The following IL1RAPL1 variants were observed in gnomAD, a reference collection of about 807,000 sequenced individuals.
IL1RAPL1 encodes interleukin 1 receptor accessory protein like 1.
IL1RAPL1 carries 3 observed loss-of-function variants against 48.4 expected under a neutral mutation model. The ratio of observed to expected loss-of-function variants is 0.06; its 90% CI spans 0.03 to 0.16. The LOEUF (loss-of-function observed/expected upper bound fraction) is 0.16, where lower values mean the gene tolerates loss of function less well. Ranked by LOEUF, IL1RAPL1 falls within the 10% of genes least tolerant of loss-of-function variation. The pLI is 1.00. For missense variants in IL1RAPL1, 349 were observed against 530.6 expected, an observed-to-expected ratio of 0.66 and a Z score of 3.36; for synonymous variants, 185 against 187.7, an observed-to-expected ratio of 0.99 and a Z score of 0.12.
chrX:29,287,990 A>T (rs2147602989), intron 3 of IL1RAPL1, among the ~76,000 whole-genome samples: 1 of 111,879 alleles, frequency 8.9e-6, no homozygotes, highest in African/African-American at 3.2e-5. Flanking sequence ...CTAAGTCCTG[A>T]AGATTTTTCC....
chrX:29,370,901 T>C (rs1190717741), intron 3 of IL1RAPL1, among the ~76,000 whole-genome samples: 4 of 109,979 alleles, frequency 3.6e-5, no homozygotes, highest in African/African-American at 1.3e-4. Context: ...TAATTTTACA[T>C]ATTTTTGGGG....
At chrX:29,087,042 G>A (rs769273455) in intron 2 of IL1RAPL1, among the ~76,000 whole-genome samples, 10 of 110,831 alleles carry the variant, frequency 9.0e-5, no homozygotes, top group Non-Finnish European at 1.9e-4. Context: ...CTCTGAATCT[G>A]TGCTCTGTCT....
chrX:28,668,794 A>G (rs1209535505), intron 1 of IL1RAPL1, among the ~76,000 whole-genome samples: 1 of 111,425 alleles, frequency 9.0e-6, no homozygotes, highest in Non-Finnish European at 1.9e-5. Flanking sequence ...GATATCCTCC[A>G]GTTATGAAGG....
intron 2 of IL1RAPL1, among the ~76,000 whole-genome samples, chrX:28,789,669 C>T (rs1240068979): frequency 8.9e-6 from 1 of 111,739 alleles, no homozygotes; most frequent in Non-Finnish European, 1.9e-5. Flanking sequence ...AATAGCAAAG[C>T]CTTGTATTTA....
intron 1 of IL1RAPL1, among the ~76,000 whole-genome samples, chrX:28,630,733 A>C (rs757065376): frequency 8.9e-6 from 1 of 112,673 alleles, no homozygotes; most frequent in South Asian, 3.6e-4. Flanking sequence ...TCAGATGTAT[A>C]GGAGGTGTGT....
intron 2 of IL1RAPL1, among the ~76,000 whole-genome samples, chrX:29,144,173 A>G (rs985136535): frequency 1.8e-5 from 2 of 111,652 alleles, no homozygotes; most frequent in African/African-American, 6.5e-5. Flanking sequence ...CAAGGGCTAT[A>G]TACCTTAAGA....
chrX:28,610,537 G>A (rs971037768), intron 1 of IL1RAPL1, among the ~76,000 whole-genome samples: 14 of 112,546 alleles, frequency 1.2e-4, no homozygotes, highest in African/African-American at 3.9e-4. Context: ...TAAAGGAGGA[G>A]TTTATACATG....
intron 2 of IL1RAPL1, among the ~76,000 whole-genome samples, chrX:28,897,416 C>T (rs941090942): frequency 4.5e-5 from 5 of 111,662 alleles, no homozygotes; most frequent in Non-Finnish European, 7.5e-5. Flanking sequence ...ACGGATAAAA[C>T]GCGTCTCCTG....
At chrX:28,833,413 G>C (rs1254123264) in intron 2 of IL1RAPL1, among the ~76,000 whole-genome samples, 1 of 111,814 alleles carries the variant, frequency 8.9e-6, no homozygotes, top group African/African-American at 3.2e-5. Context: ...GCTTTCCACA[G>C]TGGCTGAGCT....
rs60539139 is a variant in IL1RAPL1 at position 29,230,504 on chromosome X, C to CAAAAAAAAAAAAAAAAAAAAAAAA, written c.83-52426_83-52403dup. Among the ~76,000 whole-genome samples, 8 of 16,595 alleles carry CAAAAAAAAAAAAAAAAAAAAAAAA rather than the reference C, an allele frequency of 4.8e-4. 1 individual carries two copies. Among genetic ancestry groups the CAAAAAAAAAAAAAAAAAAAAAAAA allele is most frequent in the African/African-American group, 2.3e-3 (8 of 3,488 alleles). The allele number at this position is 16,595 out of a possible 115,157, so 14.4% of individuals were successfully genotyped here. On this transcript the variant is annotated intron_variant, in intron 2 of 10. Coordinates refer to ENST00000378993, the MANE Select transcript of IL1RAPL1 (RefSeq NM_014271.4). ...TGCTCTATCATTATGGTCCCTTTAC[C>CAAAAAAAAAAAAAAAAAAAAAAAA]AAAAAAAAAAAAAAAAAAAAAAAAA...
intron 5 of IL1RAPL1, among the ~76,000 whole-genome samples, chrX:29,550,603 T>G (rs1009208310): frequency 2.7e-5 from 3 of 111,929 alleles, no homozygotes; most frequent in South Asian, 3.7e-4. Context: ...TTAAAAATCC[T>G]TAACTTTTTT....
chrX:29,607,789 C>T (rs765992251), intron 5 of IL1RAPL1, among the ~76,000 whole-genome samples: 9 of 111,578 alleles, frequency 8.1e-5, no homozygotes, highest in Non-Finnish European at 1.5e-4. Context: ...TTCCTCATCT[C>T]ATGTTATATT....
At chrX:29,704,026 G>A (rs950205337) in intron 6 of IL1RAPL1, among the ~76,000 whole-genome samples, 2 of 111,032 alleles carry the variant, frequency 1.8e-5, no homozygotes, top group Non-Finnish European at 3.8e-5. Context: ...AGGCTCAAGC[G>A]ATCCTCCCAC....
chrX:29,203,945 C>G (rs1040209517), intron 2 of IL1RAPL1, among the ~76,000 whole-genome samples: 3 of 109,276 alleles, frequency 2.7e-5, no homozygotes, highest in Admixed American at 2.0e-4. Flanking sequence ...TGAGTAAGAA[C>G]ATGTGAAATT....
intron 2 of IL1RAPL1, among the ~76,000 whole-genome samples, chrX:28,935,274 C>T (rs757879683): frequency 1.8e-5 from 2 of 110,956 alleles, no homozygotes; most frequent in African/African-American, 3.3e-5. Flanking sequence ...GTTAATCGAT[C>T]GATTTACAAT....
chrX:29,836,579 T>G (rs982643058), intron 6 of IL1RAPL1, among the ~76,000 whole-genome samples: 1 of 112,375 alleles, frequency 8.9e-6, no homozygotes, highest in Admixed American at 9.4e-5. Flanking sequence ...GCATATGGTT[T>G]GATTTCCATG....
intron 5 of IL1RAPL1, among the ~76,000 whole-genome samples, chrX:29,447,471 T>G (rs1934626304): frequency 8.9e-6 from 1 of 112,157 alleles, no homozygotes; most frequent in African/African-American, 3.2e-5. Flanking sequence ...CTAGAAACAC[T>G]TTTTACAATA....
At chrX:28,642,321 A>G (rs1208856153) in intron 1 of IL1RAPL1, among the ~76,000 whole-genome samples, 1 of 111,897 alleles carries the variant, frequency 8.9e-6, no homozygotes, top group African/African-American at 3.3e-5. Flanking sequence ...CCTAATAGAC[A>G]TCTACAGAAC....
chrX:29,642,211 C>T (rs920100269), intron 5 of IL1RAPL1, among the ~76,000 whole-genome samples: 2 of 112,263 alleles, frequency 1.8e-5, no homozygotes, highest in Non-Finnish European at 3.8e-5. Context: ...TCCTCCTTGT[C>T]TTATATTTCA....
Sources: allele counts gnomAD v4.1 joint callset (sites outside exome capture counted in the v4.1 genomes callset), GRCh38; gene constraint gnomAD v4.1.1; transcripts MANE v1.5; gene names NCBI Gene and HGNC (gene_info 2026-07-23, HGNC 2026-07-21).